The following WNK1 variants were observed in gnomAD, a reference collection of about 807,000 sequenced individuals.
WNK1 encodes the protein WNK lysine deficient protein kinase 1.
WNK1 carries 38 observed loss-of-function variants against 222.8 expected under a neutral mutation model. The ratio of observed to expected loss-of-function variants is 0.17; its 90% confidence interval spans 0.13 to 0.22. The LOEUF (loss-of-function observed/expected upper bound fraction) is 0.22, where lower values mean the gene tolerates loss of function less well. Among genes scored for constraint, WNK1 ranks in the 10% least tolerant of loss-of-function variants. WNK1 has a pLI of 1.00. For synonymous variants in WNK1, 1,090 were observed against 1,092.9 expected, an observed-to-expected ratio of 1.00 and a Z score of 0.05; for missense variants, 2,348 against 2,918.4, an observed-to-expected ratio of 0.80 and a Z score of 4.50.
Position 900,648 on chromosome 12 carries a change from A to G in WNK1, c.6621A>G (p.Pro2207=), listed in dbSNP as rs1465985941. ...AFTSDGAISV[P]SLSAPGQGTS... is the part of the protein sequence containing the mutation. The stretch of plus-strand genomic sequence containing the variant: ...CCAGTGATGGTGCCATTTCAGTACC[A>G]AGCCTTTCTGCTCCAGGTCAAGGTA... Residue 2207 remains proline, a synonymous_variant, in exon 26 of 28, where the codon CCA becomes CCG. Transcript: ENST00000315939. The G allele has an allele frequency of 6.2e-7, 1 of 1,614,028 alleles. No individual in the cohort carries two copies.
intron 4 of WNK1, among the ~76,000 whole-genome samples, chr12:834,198 A>G (rs1443512583): frequency 6.6e-6 from 1 of 152,224 alleles, no homozygotes; most frequent in African/African-American, 2.4e-5. Context: ...TTGATCAAAT[A>G]GAGTGAAGCT....
rs190805853 is a variant in WNK1 at position 911,110 on chromosome 12, A to T, written c.*2318A>T. On this transcript the variant is annotated 3_prime_UTR_variant, in exon 28 of 28. Coordinates refer to ENST00000315939, the MANE Select transcript of WNK1 (RefSeq NM_018979.4). ...TCAGAACTGGTGTTATTTACTGTTG[A>T]TTTCATCCTCCTGTGTATGAAATAA... 2 of 394,826 alleles carry T rather than the reference A, an allele frequency of 5.1e-6. No homozygotes were observed. The highest frequency in any genetic ancestry group is 2.1e-5 in the African/African-American group (1 of 48,688). The allele number at this position is 394,826 out of a possible 1,614,324, so 24.5% of individuals were successfully genotyped here. A position where few individuals can be genotyped will look rare whatever the true frequency, so the allele number is the denominator to read the frequency against.
rs2154072183 is a variant in WNK1 at position 868,849 on chromosome 12, C to A, written c.2140-2416C>A. The stretch of plus-strand genomic sequence containing the variant: ...CTGTGGTAGAGCCTATCGGACAGAA[C>A]TGGCCAATAGGAAGCCCAGAATATT... On this transcript the variant is annotated intron_variant, in intron 8 of 27. Transcript: ENST00000315939. The A allele has an allele frequency of 1.2e-6, 2 of 1,613,930 alleles. No homozygotes were observed. The highest frequency in any genetic ancestry group is 1.7e-6 in the Non-Finnish European group (2 of 1,179,808).
At chr12:820,175 T>A (rs1176459274) in intron 2 of WNK1, among the ~76,000 whole-genome samples, 1 of 152,216 alleles carries the variant, frequency 6.6e-6, no homozygotes, top group Non-Finnish European at 1.5e-5. Flanking sequence ...TTTAACTATA[T>A]TGTCTTCTAA....
At chr12:765,788 A>T (rs1284548695) in intron 1 of WNK1, among the ~76,000 whole-genome samples, 1 of 152,218 alleles carries the variant, frequency 6.6e-6, no homozygotes, top group East Asian at 1.9e-4. Context: ...AAAAATAAAA[A>T]TAATAACTTT....
chr12:889,952 T>C (rs919330410), intron 21 of WNK1, among the ~76,000 whole-genome samples: 1 of 28,306 alleles, frequency 3.5e-5, no homozygotes, highest in Non-Finnish European at 9.3e-5. Flanking sequence ...AAAATGTACC[T>C]TTTTTTTTTT....
At chr12:787,242 C>T (rs938217013) in intron 1 of WNK1, among the ~76,000 whole-genome samples, 1 of 152,126 alleles carries the variant, frequency 6.6e-6, no homozygotes, top group African/African-American at 2.4e-5. Context: ...CTGTTTACAC[C>T]TTGGCTTGGC....
chr12:900,745 G>A (rs1291804845), intron 26 of WNK1, 75 bp downstream of exon 26: 9 of 1,583,562 alleles, frequency 5.7e-6, no homozygotes, highest in Middle Eastern at 3.3e-4. Flanking sequence ...AGCCTGTTAA[G>A]GCGGGTTGGG....
intron 1 of WNK1, among the ~76,000 whole-genome samples, chr12:783,061 A>T (rs551980214): frequency 6.6e-6 from 1 of 151,328 alleles, no homozygotes; most frequent in Non-Finnish European, 1.5e-5. Flanking sequence ...GTGCCACCAC[A>T]CCCTGCTAAT....
At chr12:880,137 T>C in intron 11 of WNK1, 106 bp downstream of exon 11, 1 of 1,112,794 alleles carries the variant, frequency 9.0e-7, no homozygotes, top group Non-Finnish European at 1.3e-6. Flanking sequence ...AGCAATAACA[T>C]GTCAACTAGA....
chr12:879,513 C>CTTTTTTTTTTTTTTTTTTTTTTTTTGTT, intron 10 of WNK1, 60 bp from the exon 11 acceptor site: 1 of 403,028 alleles, frequency 2.5e-6, no homozygotes, highest in Non-Finnish European at 3.6e-6. Flanking sequence ...GGCAGCCTTG[C>CTTTTTTTTTTTTTTTTTTTTTTTTTGTT]TTTTTTTTTT....
chr12:832,906 T>C (rs1180617411), intron 4 of WNK1, among the ~76,000 whole-genome samples: 1 of 152,210 alleles, frequency 6.6e-6, no homozygotes. Context: ...ATTTATGCCC[T>C]TAGAAAGCTC....
At position 885,838 on chromosome 12, in the gene WNK1, G is replaced by A. The variant is rs1374386389; in HGVS notation, c.5034G>A (p.Leu1678=). 6.2e-7 allele frequency: 1 copy of A among 1,614,170 alleles called. No individual in the cohort carries two copies. Among genetic ancestry groups the A allele is most frequent in the Non-Finnish European group, 8.5e-7 (1 of 1,180,034 alleles). The stretch of plus-strand genomic sequence containing the variant: ...GAGCTCAGCATGCCTCTGTCTCACT[G>A]GAGACCTCACTAGTCATAGAGAGCA... ...SSGAQHASVS[L]ETSLVIESTV... The change falls in exon 19 of 28, where the codon CTG becomes CTA. Residue 1678 remains leucine, a synonymous_variant. Coordinates refer to ENST00000315939, the MANE Select transcript of WNK1 (RefSeq NM_018979.4).
At chr12:777,734 C>T (rs1023060540) in intron 1 of WNK1, among the ~76,000 whole-genome samples, 1 of 152,148 alleles carries the variant, frequency 6.6e-6, no homozygotes, top group Non-Finnish European at 1.5e-5. Flanking sequence ...TATTAAAATT[C>T]ACTGTAGTTG....
At chr12:783,431 T>A in intron 1 of WNK1, among the ~76,000 whole-genome samples, 1 of 151,770 alleles carries the variant, frequency 6.6e-6, no homozygotes, top group Admixed American at 6.6e-5. Flanking sequence ...GGTGGGAGGA[T>A]TGCTTGAGCC....
intron 4 of WNK1, among the ~76,000 whole-genome samples, chr12:841,235 C>T (rs748925045): frequency 6.6e-6 from 1 of 152,122 alleles, no homozygotes; most frequent in African/African-American, 2.4e-5. Context: ...AAAATGAAGC[C>T]CCATACCAGT....
At chr12:808,069 T>C (rs190687635) in intron 1 of WNK1, among the ~76,000 whole-genome samples, 1 of 152,224 alleles carries the variant, frequency 6.6e-6, no homozygotes, top group African/African-American at 2.4e-5. Flanking sequence ...ATCTTTCCTT[T>C]TTCTCCCCTT....
intron 1 of WNK1, among the ~76,000 whole-genome samples, chr12:775,987 TATG>T (rs1384328368): frequency 3.3e-5 from 5 of 152,188 alleles, no homozygotes; most frequent in African/African-American, 1.2e-4. Context: ...CTTCAAACTT[TATG>T]ATTACCTTGT....
chr12:793,662 G>A (rs1287520944), intron 1 of WNK1, among the ~76,000 whole-genome samples: 1 of 152,092 alleles, frequency 6.6e-6, no homozygotes, highest in Non-Finnish European at 1.5e-5. Context: ...CAGAACACTG[G>A]ATTAGAAGCA....
Sources: allele counts gnomAD v4.1 joint callset (sites outside exome capture counted in the v4.1 genomes callset), GRCh38; gene constraint gnomAD v4.1.1; transcripts MANE v1.5; gene names NCBI Gene and HGNC (gene_info 2026-07-23, HGNC 2026-07-21).